Variants in POLK observed in about 807,000 individuals in gnomAD.
The protein encoded by POLK is polymerase (DNA directed) kappa.
In POLK, 76 loss-of-function variants were observed where a neutral mutation model predicts 94.0. That is an observed-to-expected ratio of 0.81 (90% CI 0.67 to 0.98). POLK has a LOEUF of 0.98. Ranked by LOEUF, POLK falls within the 50% of genes least tolerant of loss-of-function variation. The pLI is 0.00. For synonymous variants in POLK, 349 were observed against 325.4 expected (o/e 1.07, Z -0.78); for missense variants, 954 against 1,010.1 (o/e 0.94, Z 0.75).
Position 75,569,556 on chromosome 5 carries a change from A to G in POLK, c.408+64A>G, listed in dbSNP as rs1771476765. 4 of 1,368,108 alleles carry G rather than the reference A, an allele frequency of 2.9e-6. No individual in the cohort carries two copies. The South Asian group carries it at 5.3e-5, about 18-fold the overall frequency. The allele number at this position is 1,368,108 out of a possible 1,614,324, so 84.7% of individuals were successfully genotyped here. A position where few individuals can be genotyped will look rare whatever the true frequency, so the allele number is the denominator to read the frequency against. ...GTACTCAAGTAAGCTTTACTGTTTC[A>G]TGAAGGGGGAATTCTTTATTGAGGT... is the stretch of plus-strand genomic sequence containing the variant. On this transcript the variant is annotated intron_variant, in intron 4 of 14. Transcript: ENST00000241436.
chr5:75,580,096 A>T (rs1045932074), intron 6 of POLK, among the ~76,000 whole-genome samples: 2 of 152,028 alleles, frequency 1.3e-5, no homozygotes, highest in South Asian at 4.1e-4. Flanking sequence ...CATATTTTAA[A>T]TTTTTAAATT....
downstream of POLK, among the ~76,000 whole-genome samples, chr5:75,605,791 A>G (rs991958580): frequency 6.6e-6 from 1 of 152,196 alleles, no homozygotes; most frequent in African/African-American, 2.4e-5. Context: ...CTTCAGAGCA[A>G]GGATAAAGGA....
chr5:75,524,767 C>T (rs1768750358), intron 1 of POLK, among the ~76,000 whole-genome samples: 1 of 152,174 alleles, frequency 6.6e-6, no homozygotes, highest in Non-Finnish European at 1.5e-5. Context: ...TAAGGCATAA[C>T]TAATGTTCCA....
exon 11 of POLK, chr5:75,590,436 T>C (rs1772722411): frequency 6.3e-7 from 1 of 1,584,944 alleles, no homozygotes; most frequent in African/African-American, 1.3e-5. Flanking sequence ...AAAGAAAGAC[T>C]TAAGGTGCTT....
At chr5:75,569,971 A>G (rs1301832049) in intron 4 of POLK, among the ~76,000 whole-genome samples, 2 of 152,160 alleles carry the variant, frequency 1.3e-5, no homozygotes, top group Non-Finnish European at 2.9e-5. Context: ...TTGCAGGAAA[A>G]CAAGCTTAGG....
At chr5:75,546,865 C>T in intron 1 of POLK, 145 bp from the exon 2 acceptor site, 1 of 381,032 alleles carries the variant, frequency 2.6e-6, no homozygotes, top group Non-Finnish European at 4.9e-6. Context: ...CAGGGTTTCA[C>T]CATGTTGCCC....
intron 5 of POLK, among the ~76,000 whole-genome samples, chr5:75,575,652 T>G (rs1184235022): frequency 1.3e-5 from 2 of 152,218 alleles, no homozygotes; most frequent in Non-Finnish European, 2.9e-5. Flanking sequence ...AGTTACAGAC[T>G]TCACAGAGTT....
intron 3 of POLK, among the ~76,000 whole-genome samples, chr5:75,559,523 GTTTTTTTTT>G: frequency 1.8e-5 from 1 of 54,678 alleles, no homozygotes; most frequent in South Asian, 7.0e-4. Flanking sequence ...GTTTTGTTTT[GTTTTTTTTT>G]TTTTTTTTTT....
At chr5:75,587,092 AATTC>A in intron 10 of POLK, 34 bp downstream of exon 10, 1 of 1,183,244 alleles carries the variant, frequency 8.5e-7, no homozygotes, top group Non-Finnish European at 1.2e-6. Context: ...AATTGTGCAT[AATTC>A]ATGTTATTTT....
At chr5:75,561,885 T>G (rs561326112) in intron 3 of POLK, among the ~76,000 whole-genome samples, 15 of 152,236 alleles carry the variant, frequency 9.9e-5, no homozygotes, top group Admixed American at 6.5e-4. Flanking sequence ...TTGTTACCAG[T>G]ACCATGCTGT....
chr5:75,607,966 G>A, the POLK span, among the ~76,000 whole-genome samples: 1 of 152,132 alleles, frequency 6.6e-6, no homozygotes, highest in Non-Finnish European at 1.5e-5. Context: ...AATCTAGGAA[G>A]ATGTTTTTAA....
intron 1 of POLK, among the ~76,000 whole-genome samples, chr5:75,540,002 C>T (rs1769656411): frequency 6.6e-6 from 1 of 152,054 alleles, no homozygotes; most frequent in Admixed American, 6.6e-5. Context: ...CTGCCATACA[C>T]TATTAGAGCT....
At chr5:75,511,487 GC>G (rs745406219), upstream of POLK, 94 of 1,501,826 alleles carry the variant, frequency 6.3e-5, no homozygotes, top group Non-Finnish European at 8.0e-5. Flanking sequence ...GCCCGGCGCT[GC>G]CACCCGAACT....
At chr5:75,561,764 A>G (rs1300398866) in intron 3 of POLK, among the ~76,000 whole-genome samples, 2 of 152,184 alleles carry the variant, frequency 1.3e-5, no homozygotes, top group Non-Finnish European at 2.9e-5. Context: ...TAAATAGGGA[A>G]TCCTTTCCCC....
At chr5:75,562,946 A>T (rs1002766678) in intron 3 of POLK, among the ~76,000 whole-genome samples, 2 of 152,188 alleles carry the variant, frequency 1.3e-5, no homozygotes, top group African/African-American at 4.8e-5. Context: ...ATTGATGTTC[A>T]TCAGGGATAT....
At chr5:75,580,946 T>G (rs1772165109) in intron 6 of POLK, among the ~76,000 whole-genome samples, 1 of 151,708 alleles carries the variant, frequency 6.6e-6, no homozygotes, top group Admixed American at 6.6e-5. Context: ...CGAACATTAG[T>G]GAGTTTTACA....
At chr5:75,552,386 G>A in intron 2 of POLK, 86 bp from the exon 3 acceptor site, 1 of 1,218,880 alleles carries the variant, frequency 8.2e-7, no homozygotes, top group Non-Finnish European at 1.1e-6. Context: ...TGTTTCCTGA[G>A]TATGTGCTCT....
At chr5:75,573,372 G>A (rs898662371) in intron 4 of POLK, among the ~76,000 whole-genome samples, 2 of 152,106 alleles carry the variant, frequency 1.3e-5, no homozygotes, top group African/African-American at 4.8e-5. Context: ...GTGTGGTGGG[G>A]GGAAGGGGGA....
upstream of POLK, chr5:75,511,681 C>T (rs531428706): frequency 7.2e-6 from 11 of 1,532,300 alleles, no homozygotes; most frequent in Non-Finnish European, 9.7e-6. Flanking sequence ...CATTCTCCCC[C>T]ACTACTCCCC....
Sources: gnomAD v4.1 joint callset for allele counts (sites outside exome capture counted in the v4.1 genomes callset) on GRCh38, gnomAD v4.1.1 for gene constraint, MANE v1.5 for transcripts, NCBI Gene and HGNC (gene_info 2026-07-23, HGNC 2026-07-21) for gene names.